The following ABHD12 variants were observed in gnomAD, a reference collection of about 807,000 sequenced individuals.
The protein encoded by ABHD12 is lysophosphatidylserine lipase ABHD12.
A neutral mutation model predicts 58.3 loss-of-function variants in ABHD12; 43 were observed. The observed-to-expected ratio is 0.74, with a 90% confidence interval of 0.58 to 0.95. The LOEUF is 0.95. Among genes scored for constraint, ABHD12 ranks in the 40% least tolerant of loss-of-function variants. The pLI, the probability that ABHD12 is intolerant of heterozygous loss-of-function variation, is 0.00. For missense variants in ABHD12, 539 were observed against 537.2 expected (o/e 1.00, Z -0.03); for synonymous variants, 219 against 211.2 (o/e 1.04, Z -0.32).
chr20:25,344,815 C>T (rs1375466402), intron 1 of ABHD12, among the ~76,000 whole-genome samples: 3 of 152,144 alleles, frequency 2.0e-5, no homozygotes, highest in African/African-American at 7.2e-5. Context: ...TACCAACAGA[C>T]CAAAGAGCCT....
intron 10 of ABHD12, among the ~76,000 whole-genome samples, chr20:25,304,692 C>T (rs568844145): frequency 3.9e-5 from 6 of 152,174 alleles, no homozygotes; most frequent in South Asian, 2.1e-4. Flanking sequence ...TTCAGCCTCC[C>T]GAGTAGCTGG....
At chr20:25,382,332 G>A (rs777853427) in intron 1 of ABHD12, among the ~76,000 whole-genome samples, 19 of 152,012 alleles carry the variant, frequency 1.2e-4, no homozygotes, top group Non-Finnish European at 2.2e-4. Flanking sequence ...GCTGGCTCTC[G>A]GTGTGGCACG....
chr20:25,299,035 GTGA>G (rs1305080722), downstream of ABHD12, among the ~76,000 whole-genome samples: 1 of 152,180 alleles, frequency 6.6e-6, no homozygotes. Context: ...GAGCTGACAG[GTGA>G]TGGTGGAGCA....
At chr20:25,385,895 G>A (rs189579973) in intron 1 of ABHD12, among the ~76,000 whole-genome samples, 22 of 152,042 alleles carry the variant, frequency 1.4e-4, no homozygotes, top group African/African-American at 4.1e-4. Flanking sequence ...TCAGGAGATT[G>A]AGACCATCCT....
At chr20:25,299,844 G>A (rs1285257188), downstream of ABHD12, among the ~76,000 whole-genome samples, 1 of 152,166 alleles carries the variant, frequency 6.6e-6, no homozygotes, top group Non-Finnish European at 1.5e-5. Flanking sequence ...GGGGACCAGT[G>A]TTCTCATGAA....
rs2088932396 is a variant in ABHD12, at chr20:25,314,943, C to A, written c.601G>T (p.Val201Phe). ...ATCTCACCTCTGTAGTCAAAGGTGA[C>A]CACATGGTAACCAAGGGAACTCAGC... ...KVLSSLGYHVVTFDYRGWGDS... is the reference protein window; with the variant it reads ...KVLSSLGYHVFTFDYRGWGDS... The change falls in exon 6 of 13, where the codon GTC becomes TTC. Residue 201 changes from valine to phenylalanine, a missense_variant. Transcript: ENST00000339157. The A allele has an allele frequency of 6.2e-7, 1 of 1,614,076 alleles. No individual in the cohort carries two copies. The highest frequency in any genetic ancestry group is 1.7e-5 in the Admixed American group (1 of 60,006).
At chr20:25,313,628 T>TAAAATAA (rs1449400134) in intron 6 of ABHD12, among the ~76,000 whole-genome samples, 1 of 150,424 alleles carries the variant, frequency 6.6e-6, no homozygotes, top group South Asian at 2.1e-4. Context: ...TAAAATAAAA[T>TAAAATAA]AACATTAGCC....
intron 1 of ABHD12, among the ~76,000 whole-genome samples, chr20:25,367,033 T>A (rs1020516849): frequency 3.3e-5 from 5 of 152,222 alleles, no homozygotes; most frequent in Admixed American, 2.6e-4. Context: ...AATCAGCTTG[T>A]ATTGAACAAG....
chr20:25,345,869 A>G (rs926949653), intron 1 of ABHD12, among the ~76,000 whole-genome samples: 1 of 152,202 alleles, frequency 6.6e-6, no homozygotes, highest in African/African-American at 2.4e-5. Flanking sequence ...ACTTGGGAAG[A>G]CAGTTTGGCA....
intron 1 of ABHD12, among the ~76,000 whole-genome samples, chr20:25,388,588 G>A (rs1291357961): frequency 1.3e-5 from 2 of 152,056 alleles, no homozygotes; most frequent in African/African-American, 4.8e-5. Context: ...AACAAATTTG[G>A]TCTTCTTTCC....
intron 1 of ABHD12, among the ~76,000 whole-genome samples, chr20:25,384,392 T>C (rs571570301): frequency 6.6e-6 from 1 of 150,800 alleles, no homozygotes; most frequent in South Asian, 2.1e-4. Context: ...GTTAAAAAAG[T>C]TGGCAATACT....
At chr20:25,351,248 G>T (rs2089597207) in intron 1 of ABHD12, among the ~76,000 whole-genome samples, 1 of 152,186 alleles carries the variant, frequency 6.6e-6, no homozygotes, top group Non-Finnish European at 1.5e-5. Context: ...TGCCAGCAAA[G>T]ACTTTGTCTT....
intron 6 of ABHD12, 126 bp from the exon 7 acceptor site, chr20:25,309,701 A>G (rs2088813686): frequency 1.4e-6 from 2 of 1,400,294 alleles, no homozygotes; most frequent in African/African-American, 1.4e-5. Context: ...CCACCCTTCC[A>G]GAGTCCACAG....
intron 5 of ABHD12, among the ~76,000 whole-genome samples, chr20:25,316,099 G>C (rs2088956433): frequency 6.6e-6 from 1 of 152,230 alleles, no homozygotes; most frequent in Non-Finnish European, 1.5e-5. Flanking sequence ...TGCAGCCCTT[G>C]CTGGGGTGAG....
At chr20:25,327,987 A>T (rs2089204796) in intron 2 of ABHD12, among the ~76,000 whole-genome samples, 1 of 151,906 alleles carries the variant, frequency 6.6e-6, no homozygotes, top group African/African-American at 2.4e-5. Context: ...CTCTGACCTG[A>T]CCATCAGCAC....
chr20:25,382,411 G>A (rs1012897188), intron 1 of ABHD12, among the ~76,000 whole-genome samples: 1 of 152,096 alleles, frequency 6.6e-6, no homozygotes, highest in Non-Finnish European at 1.5e-5. Flanking sequence ...TGAGACCAAA[G>A]TCCTGTGGCG....
Position 25,372,460 on chromosome 20 carries a change from C to T in ABHD12, c.191+18053G>A, listed in dbSNP as rs544761618. Among the ~76,000 whole-genome samples the T allele has an allele frequency of 5.3e-5, 8 of 152,304 alleles. No homozygotes were observed. The East Asian group carries it at 1.5e-3, about 29-fold the overall frequency. Reference sequence around the variant, plus strand: ...GCTCAAGTGATCCTTCCATCTTGGCCTCCCAAAGTGTTTGGATTACAGGCG... The same window carrying T: ...GCTCAAGTGATCCTTCCATCTTGGCTTCCCAAAGTGTTTGGATTACAGGCG... On this transcript the variant is annotated intron_variant, in intron 1 of 12. Coordinates refer to ENST00000339157, the MANE Select transcript of ABHD12 (RefSeq NM_001042472.3).
chr20:25,300,301 T>TC lies in ABHD12; in HGVS notation c.*543dup. 9.7e-7 allele frequency: 1 copy of TC among 1,028,638 alleles called. No individual in the cohort carries two copies. The highest frequency in any genetic ancestry group is 1.2e-6 in the Non-Finnish European group (1 of 855,528). 63.7% of individuals were successfully genotyped at this position (1,028,638 alleles called of 1,614,324 possible). A position where few individuals can be genotyped will look rare whatever the true frequency, so the allele number is the denominator to read the frequency against. ...TAGGTGAAAGGGGAGGAAGTGCAGATCCCGGGCACTTCCACTGTGGGTGAG... is the reference window on the plus strand; with the variant it reads ...TAGGTGAAAGGGGAGGAAGTGCAGATCCCCGGGCACTTCCACTGTGGGTGAG... On this transcript the variant is annotated 3_prime_UTR_variant, in exon 13 of 13. Transcript: ENST00000339157.
At chr20:25,329,531 T>C (rs975720042) in intron 2 of ABHD12, among the ~76,000 whole-genome samples, 1 of 152,150 alleles carries the variant, frequency 6.6e-6, no homozygotes, top group African/African-American at 2.4e-5. Context: ...CCTGCACACA[T>C]GGGTGCCGTG....
Sources: allele counts gnomAD v4.1 joint callset (sites outside exome capture counted in the v4.1 genomes callset), GRCh38; gene constraint gnomAD v4.1.1; transcripts MANE v1.5; gene names NCBI Gene and HGNC (gene_info 2026-07-23, HGNC 2026-07-21).